Variants in CNTN3 observed in about 807,000 individuals in gnomAD.
CNTN3 encodes contactin-3.
Under a neutral mutation model 119.1 loss-of-function variants are expected in CNTN3, and 60 were observed. The observed-to-expected ratio is 0.50, with a 90% confidence interval of 0.41 to 0.62. CNTN3 has a LOEUF of 0.62. CNTN3 is among the 20% of genes least tolerant of loss of function. CNTN3 has a pLI of 0.00. For synonymous variants in CNTN3, 450 were observed against 438.7 expected, an observed-to-expected ratio of 1.03 and a Z score of -0.32; for missense variants, 1,101 against 1,242.4, an observed-to-expected ratio of 0.89 and a Z score of 1.71.
At chr3:74,367,478 T>C (rs1704227620) in intron 8 of CNTN3, among the ~76,000 whole-genome samples, 1 of 141,018 alleles carries the variant, frequency 7.1e-6, no homozygotes, top group Non-Finnish European at 1.5e-5. Flanking sequence ...AATTGTCTAA[T>C]CTAATTTCTC....
intron 13 of CNTN3, among the ~76,000 whole-genome samples, chr3:74,330,545 G>A (rs566755930): frequency 1.3e-5 from 2 of 152,240 alleles, no homozygotes; most frequent in East Asian, 3.9e-4. Context: ...AAATGACCAT[G>A]TTAATAGTTT....
chr3:74,343,914 C>T (rs1703610938), intron 11 of CNTN3, among the ~76,000 whole-genome samples: 1 of 152,162 alleles, frequency 6.6e-6, no homozygotes, highest in Non-Finnish European at 1.5e-5. Context: ...GTCCATTGGA[C>T]TCTCCCTCTT....
chr3:74,334,939 C>T, intron 12 of CNTN3, 29 bp from the exon 13 acceptor site: 5 of 1,578,540 alleles, frequency 3.2e-6, no homozygotes, highest in Non-Finnish European at 4.3e-6. Flanking sequence ...TTCAGAAAAA[C>T]AGCATTTTAT....
chr3:74,568,857 G>A (rs1704266147), intron 1 of CNTN3, among the ~76,000 whole-genome samples: 1 of 152,214 alleles, frequency 6.6e-6, no homozygotes, highest in Non-Finnish European at 1.5e-5. Context: ...CCATTGGTGA[G>A]TTGTCTTGGA....
At chr3:74,519,452 G>T (rs1703506197) in intron 2 of CNTN3, among the ~76,000 whole-genome samples, 1 of 151,730 alleles carries the variant, frequency 6.6e-6, no homozygotes, top group Non-Finnish European at 1.5e-5. Flanking sequence ...AACTAAAAAT[G>T]TGAAACCTTT....
rs550803057 is a variant in CNTN3 at position 74,541,234 on chromosome 3, A to G, written c.-80-20042T>C. On this transcript the variant is annotated intron_variant, in intron 1 of 22. Coordinates refer to ENST00000263665, the MANE Select transcript of CNTN3 (RefSeq NM_020872.3). ...ATTTCAAGCTGAAGGCATAGCAGTT[A>G]CTCTCCTTGACACCCATATGAGAGA... Among the ~76,000 whole-genome samples the G allele has an allele frequency of 4.6e-5, 7 of 152,234 alleles. No individual in the cohort carries two copies. The South Asian group carries it at 1.2e-3, about 27-fold the overall frequency.
At chr3:74,484,239 G>A (rs1056362905) in intron 4 of CNTN3, among the ~76,000 whole-genome samples, 1 of 152,078 alleles carries the variant, frequency 6.6e-6, no homozygotes, top group African/African-American at 2.4e-5. Flanking sequence ...ATTTGTTTTA[G>A]AACCTATTGA....
chr3:74,316,287 T>A (rs886916421), intron 13 of CNTN3, among the ~76,000 whole-genome samples: 3 of 152,140 alleles, frequency 2.0e-5, no homozygotes, highest in Non-Finnish European at 4.4e-5. Flanking sequence ...CACAATGAGA[T>A]ACCATCTCAC....
chr3:74,423,068 T>C lies in CNTN3; in HGVS notation c.454+1777A>G, dbSNP rs542055143. On this transcript the variant is annotated intron_variant, in intron 5 of 22. Coordinates refer to ENST00000263665, the MANE Select transcript of CNTN3 (RefSeq NM_020872.3). ...GTCACCTTTGCCTCCACAAGGAAGA[T>C]ACATGAGAATGGAGGCAATATGGAG... Among the ~76,000 whole-genome samples, 21 of 152,240 alleles carry C rather than the reference T, an allele frequency of 1.4e-4. No individual in the cohort carries two copies. The South Asian group carries it at 2.1e-3, about 15-fold the overall frequency.
At chr3:74,386,471 G>A (rs567182221) in intron 5 of CNTN3, among the ~76,000 whole-genome samples, 1 of 152,262 alleles carries the variant, frequency 6.6e-6, no homozygotes, top group Non-Finnish European at 1.5e-5. Flanking sequence ...TTAGCTGGGA[G>A]GGCAAGGCTG....
At chr3:74,435,776 T>C (rs1268932728) in intron 4 of CNTN3, among the ~76,000 whole-genome samples, 1 of 152,210 alleles carries the variant, frequency 6.6e-6, no homozygotes, top group African/African-American at 2.4e-5. Flanking sequence ...ACTAACATGA[T>C]GCAATAACTG....
intron 5 of CNTN3, among the ~76,000 whole-genome samples, chr3:74,386,841 C>T (rs545225655): frequency 6.6e-6 from 1 of 152,172 alleles, no homozygotes; most frequent in Non-Finnish European, 1.5e-5. Flanking sequence ...TTTTTGTTGT[C>T]ATTTTGGTCT....
chr3:74,522,605 C>T (rs1283448895), intron 1 of CNTN3, among the ~76,000 whole-genome samples: 1 of 151,770 alleles, frequency 6.6e-6, no homozygotes, highest in Non-Finnish European at 1.5e-5. Context: ...AGCCTTCTAA[C>T]ACCATGGGTG....
chr3:74,412,974 A>G (rs1420506068), intron 5 of CNTN3, among the ~76,000 whole-genome samples: 2 of 152,216 alleles, frequency 1.3e-5, no homozygotes, highest in Non-Finnish European at 2.9e-5. Context: ...TCAAATAACT[A>G]AAGAAAAAAT....
intron 17 of CNTN3, among the ~76,000 whole-genome samples, 178 bp downstream of exon 17, chr3:74,299,690 C>A (rs541758271): frequency 1.3e-5 from 2 of 152,128 alleles, no homozygotes; most frequent in South Asian, 4.2e-4. Flanking sequence ...CACCACCAGC[C>A]CCACTACCAC....
At chr3:74,272,941 T>G (rs1017061555) in intron 20 of CNTN3, among the ~76,000 whole-genome samples, 7 of 152,182 alleles carry the variant, frequency 4.6e-5, no homozygotes, top group African/African-American at 1.4e-4. Context: ...GATAAAAAGC[T>G]AGTTTCCATT....
intron 5 of CNTN3, among the ~76,000 whole-genome samples, chr3:74,415,199 C>T (rs1701500981): frequency 6.6e-6 from 1 of 152,106 alleles, no homozygotes; most frequent in South Asian, 2.1e-4. Flanking sequence ...CCTACCACTG[C>T]AGACCAGTTA....
chr3:74,594,998 G>C (rs190870003), intron 1 of CNTN3, among the ~76,000 whole-genome samples: 3 of 152,066 alleles, frequency 2.0e-5, no homozygotes, highest in African/African-American at 7.2e-5. Flanking sequence ...TCTAACTGGC[G>C]TGAGATGGTA....
At chr3:74,547,977 G>T (rs1056047188) in intron 1 of CNTN3, among the ~76,000 whole-genome samples, 2 of 152,046 alleles carry the variant, frequency 1.3e-5, no homozygotes, top group African/African-American at 2.4e-5. Flanking sequence ...TATATTAGAA[G>T]GTAAGGGCCC....
Sources: gnomAD v4.1 joint callset for allele counts (sites outside exome capture counted in the v4.1 genomes callset) on GRCh38, gnomAD v4.1.1 for gene constraint, MANE v1.5 for transcripts, NCBI Gene and HGNC (gene_info 2026-07-23, HGNC 2026-07-21) for gene names.